Variants in MLLT10 observed in about 807,000 individuals in gnomAD.
MLLT10 encodes the protein MLLT10 histone lysine methyltransferase DOT1L cofactor, also known as protein AF-10.
MLLT10 carries 30 observed loss-of-function variants against 129.1 expected under a neutral mutation model. The ratio of observed to expected loss-of-function variants is 0.23; its 90% CI spans 0.17 to 0.32. The LOEUF is 0.32. Ranked by LOEUF, MLLT10 falls within the 10% of genes least tolerant of loss-of-function variation. MLLT10 has a pLI of 1.00. For synonymous variants in MLLT10, 490 were observed against 446.4 expected (o/e 1.10, Z -1.23); for missense variants, 1,119 against 1,268.3 (o/e 0.88, Z 1.79).
chr10:21,592,756 G>C (rs1589130130), intron 4 of MLLT10, among the ~76,000 whole-genome samples: 1 of 152,072 alleles, frequency 6.6e-6, no homozygotes, highest in African/African-American at 2.4e-5. Flanking sequence ...GAGCCACCGC[G>C]CCCGGCCAGT....
chr10:21,732,793 TCTA>T (rs892211274), intron 17 of MLLT10, 103 bp from the exon 18 acceptor site: 2 of 870,010 alleles, frequency 2.3e-6, no homozygotes, highest in African/African-American at 3.5e-5. Flanking sequence ...TTACAGAATT[TCTA>T]CTGTTCTATT....
At chr10:21,662,841 T>C (rs767991552) in intron 9 of MLLT10, among the ~76,000 whole-genome samples, 3 of 152,232 alleles carry the variant, frequency 2.0e-5, no homozygotes, top group Non-Finnish European at 4.4e-5. Flanking sequence ...GGAGATCTTA[T>C]ATTTCTATAA....
intron 9 of MLLT10, chr10:21,668,869 G>A: frequency 8.9e-7 from 1 of 1,127,890 alleles, no homozygotes; most frequent in Non-Finnish European, 1.1e-6. Flanking sequence ...AAATACATGA[G>A]TGAAGAACAC....
chr10:21,731,480 TATCA>T (rs1265903003), intron 17 of MLLT10, among the ~76,000 whole-genome samples: 5 of 152,188 alleles, frequency 3.3e-5, no homozygotes, highest in Admixed American at 6.5e-5. Context: ...ACTTTGTTCT[TATCA>T]ATCAGTTTAC....
chr10:21,679,362 C>T (rs529147388), intron 11 of MLLT10, among the ~76,000 whole-genome samples: 118 of 152,278 alleles, frequency 7.7e-4, no homozygotes, highest in African/African-American at 2.6e-3. Flanking sequence ...TCTGTCCTTT[C>T]CTCTTCGCTA....
intron 9 of MLLT10, chr10:21,661,545 G>A (rs1418345180): frequency 6.6e-6 from 1 of 152,082 alleles, no homozygotes; most frequent in African/African-American, 2.4e-5. Flanking sequence ...TTTGCTCTGA[G>A]TCTGTTCTGT....
chr10:21,731,220 G>GATTCT (rs1458013437), intron 17 of MLLT10, among the ~76,000 whole-genome samples, 166 bp downstream of exon 17: 1 of 152,128 alleles, frequency 6.6e-6, no homozygotes, highest in Admixed American at 6.5e-5. Flanking sequence ...TAATAGAAGA[G>GATTCT]ATTCTATAGT....
At chr10:21,637,904 T>G (rs1452202946) in intron 8 of MLLT10, among the ~76,000 whole-genome samples, 3 of 152,184 alleles carry the variant, frequency 2.0e-5, no homozygotes, top group African/African-American at 7.2e-5. Flanking sequence ...CTTACTAGCC[T>G]TTTTTCACTG....
chr10:21,551,662 C>T (rs956996858), intron 3 of MLLT10, among the ~76,000 whole-genome samples: 1 of 151,818 alleles, frequency 6.6e-6, no homozygotes, highest in Non-Finnish European at 1.5e-5. Context: ...TTCTAACCTC[C>T]CTACAAAACT....
intron 13 of MLLT10, among the ~76,000 whole-genome samples, chr10:21,696,731 C>T (rs1013444122): frequency 1.2e-4 from 19 of 152,128 alleles, no homozygotes; most frequent in Admixed American, 6.5e-4. Flanking sequence ...TGAAATTCCT[C>T]GAGCCGCTGC....
intron 13 of MLLT10, among the ~76,000 whole-genome samples, chr10:21,706,396 T>C (rs1336347802): frequency 6.6e-6 from 1 of 152,216 alleles, no homozygotes; most frequent in African/African-American, 2.4e-5. Flanking sequence ...AAATTGTTGG[T>C]ACCACCCTCA....
chr10:21,660,141 T>C (rs539163934), intron 9 of MLLT10, among the ~76,000 whole-genome samples: 18 of 152,032 alleles, frequency 1.2e-4, no homozygotes, highest in African/African-American at 3.9e-4. Flanking sequence ...TTTTTTCTTA[T>C]AATTTTTTGT....
chr10:21,632,142 A>C (rs994801325), intron 8 of MLLT10, among the ~76,000 whole-genome samples: 9 of 152,230 alleles, frequency 5.9e-5, no homozygotes, highest in African/African-American at 2.2e-4. Context: ...GTAGATGTGA[A>C]TAGTCTTTTT....
At chr10:21,564,974 A>T (rs2039370496) in intron 3 of MLLT10, among the ~76,000 whole-genome samples, 1 of 152,192 alleles carries the variant, frequency 6.6e-6, no homozygotes, top group African/African-American at 2.4e-5. Flanking sequence ...ACAGAGAAAT[A>T]TTGAAGTCTC....
At chr10:21,557,126 CTT>C in intron 3 of MLLT10, 6 of 1,385,204 alleles carry the variant, frequency 4.3e-6, no homozygotes, top group Non-Finnish European at 4.6e-6. Flanking sequence ...GCCCTTTTGT[CTT>C]TTCCTCTTCG....
intron 8 of MLLT10, among the ~76,000 whole-genome samples, chr10:21,628,616 A>G (rs1025487176): frequency 1.3e-5 from 2 of 148,378 alleles, no homozygotes; most frequent in South Asian, 2.1e-4. Context: ...TAATTTTTGT[A>G]TTTTTAGTAG....
chr10:21,690,117 T>C (rs898254637), intron 13 of MLLT10, among the ~76,000 whole-genome samples: 5 of 152,166 alleles, frequency 3.3e-5, no homozygotes, highest in Admixed American at 3.3e-4. Flanking sequence ...TAGTATAGGC[T>C]GAAAAATGTG....
chr10:21,584,942 A>G (rs928606352), intron 3 of MLLT10, among the ~76,000 whole-genome samples: 4 of 151,220 alleles, frequency 2.6e-5, no homozygotes, highest in African/African-American at 9.7e-5. Flanking sequence ...TTTTTGAGAT[A>G]GGGTTCACTC....
intron 8 of MLLT10, among the ~76,000 whole-genome samples, chr10:21,639,094 C>G: frequency 6.6e-6 from 1 of 152,102 alleles, no homozygotes; most frequent in South Asian, 2.1e-4. Flanking sequence ...ATAGCCATAC[C>G]CCTAACAGCA....
Sources: allele counts gnomAD v4.1 joint callset (sites outside exome capture counted in the v4.1 genomes callset), GRCh38; gene constraint gnomAD v4.1.1; transcripts MANE v1.5; gene names NCBI Gene and HGNC (gene_info 2026-07-23, HGNC 2026-07-21).